RNF31: variants seen among roughly 807,000 people sequenced by gnomAD.
RNF31 encodes ring finger protein 31, also known as E3 ubiquitin-protein ligase RNF31.
Under a neutral mutation model 133.6 loss-of-function variants are expected in RNF31, and 38 were observed. The ratio of observed to expected loss-of-function variants is 0.28; its 90% CI spans 0.22 to 0.37. RNF31 has a LOEUF of 0.37. RNF31 is among the 10% of genes least tolerant of loss of function. The probability of loss-of-function intolerance (pLI) is 1.00; values close to 1 mark genes in which losing one functional copy is unlikely to be tolerated. For synonymous variants in RNF31, 582 were observed against 552.3 expected, an observed-to-expected ratio of 1.05 and a Z score of -0.75; for missense variants, 1,118 against 1,394.1, an observed-to-expected ratio of 0.80 and a Z score of 3.15.
At position 24,151,084 on chromosome 14, in the gene RNF31, AG is replaced by A. The variant is rs751109608; in HGVS notation, c.1489-44del. On this transcript the variant is annotated intron_variant, in intron 8 of 20. Coordinates refer to ENST00000324103, the MANE Select transcript of RNF31 (RefSeq NM_017999.5). This position sits in a 1 kb window ranked among gnomAD's most constrained non-coding sequence, Gnocchi z 5.3. ...ACTGTCACCATCTTAGTTCAGGCTG[AG>A]GGTGGGTGAAGGGTGCCCCTCCTGA... The A allele has an allele frequency of 6.2e-7, 1 of 1,605,990 alleles. No homozygotes were observed. Among genetic ancestry groups the A allele is most frequent in the Non-Finnish European group, 8.5e-7 (1 of 1,174,978 alleles).
At position 24,154,879 on chromosome 14, in the gene RNF31, G is replaced by A. The variant is rs559238661; in HGVS notation, c.2131-278G>A. The stretch of plus-strand genomic sequence containing the variant: ...AGCTGTTCTCCACCTCTATAGTTTT[G>A]TCATTTCAAGCATGTTATTTGTATA... On this transcript the variant is annotated intron_variant, in intron 11 of 20. Coordinates refer to ENST00000324103, the MANE Select transcript of RNF31 (RefSeq NM_017999.5). The A allele has an allele frequency of 6.4e-6, 3 of 465,334 alleles. No homozygotes were observed. In the South Asian group the frequency reaches 8.3e-5, roughly 13 times the overall value. 28.8% of individuals were successfully genotyped at this position (465,334 alleles called of 1,614,324 possible).
rs897003143 is a variant in RNF31 at position 24,158,161 on chromosome 14, A to G, written c.2861A>G (p.Asn954Ser). The G allele has an allele frequency of 1.9e-6, 3 of 1,614,134 alleles. No individual in the cohort carries two copies. The highest frequency in any genetic ancestry group is 2.5e-6 in the Non-Finnish European group (3 of 1,180,054). ...KLLQDNNVMFNTEPPAGARAV... is the reference protein window; with the variant it reads ...KLLQDNNVMFSTEPPAGARAV... ...CCTCAGGACAATAACGTCATGTTTA[A>G]TACAGAGCCTCCAGCTGGGGCCCGG... The change falls in exon 18 of 21, where the codon AAT becomes AGT. Residue 954 changes from asparagine (N) to serine (S), a missense_variant. By Grantham distance (46) the Asn-to-Ser change is conservative (BLOSUM62 1). Transcript: ENST00000324103.
intron 11 of RNF31, 118 bp downstream of exon 11, chr14:24,152,110 G>A (rs1045740228): frequency 7.1e-6 from 7 of 989,424 alleles, no homozygotes; most frequent in Non-Finnish European, 1.0e-5. Flanking sequence ...ATATACCCCT[G>A]AAGGCTCCTG....
Position 24,157,510 on chromosome 14 carries a change from T to C in RNF31, c.2609-10T>C. 1 of 1,613,626 alleles carries C rather than the reference T, an allele frequency of 6.2e-7. No homozygotes were observed. Among genetic ancestry groups the C allele is most frequent in the Non-Finnish European group, 8.5e-7 (1 of 1,179,512 alleles). On this transcript the variant is annotated splice_polypyrimidine_tract_variant and intron_variant, in intron 15 of 20. Transcript: ENST00000324103. ...CGGCAGCTCCAGCCCTGACCTCTTG[T>C]CCTTTGCAGACTGCCCCAAATGCAA...
Position 24,150,429 on chromosome 14 carries a change from T to C in RNF31, c.1178T>C (p.Ile393Thr). 6 of 1,611,118 alleles carry C rather than the reference T, an allele frequency of 3.7e-6. No homozygotes were observed. The highest frequency in any genetic ancestry group is 2.2e-5 in the South Asian group (2 of 90,952). ...SLVVDSRDAG[I>T]CLQPLQQGDA... The stretch of plus-strand genomic sequence containing the variant: ...GTGGTGGATTCCCGAGATGCTGGCA[T>C]TTGCCTGCAACCCCTTCAGGTAACT... Residue 393 changes from isoleucine to threonine, a missense_variant, in exon 7 of 21, where the codon ATT (isoleucine) becomes ACT (threonine). Physicochemically the swap from Ile to Thr is moderately conservative, Grantham distance 89. Transcript: ENST00000324103.
chr14:24,159,584 C>CAAAAAAAAAAAAAAAAAAAAAA (rs59295225), intron 18 of RNF31, among the ~76,000 whole-genome samples: 1 of 82,198 alleles, frequency 1.2e-5, no homozygotes. Context: ...AAATAACAAC[C>CAAAAAAAAAAAAAAAAAAAAAA]AAAAAAAAAA....
In RNF31 at chr14:24,154,930, A is replaced by G. The variant is rs1469021822; in HGVS notation, c.2131-227A>G. The G allele has an allele frequency of 7.1e-6, 4 of 562,590 alleles. No homozygotes were observed. In the East Asian group the frequency reaches 8.6e-5, roughly 12 times the overall value. The allele number at this position is 562,590 out of a possible 1,614,324, so 34.8% of individuals were successfully genotyped here. On this transcript the variant is annotated intron_variant, in intron 11 of 20. Coordinates refer to ENST00000324103, the MANE Select transcript of RNF31 (RefSeq NM_017999.5). ...TTTAATGGAATATGAATGTTTTTAT[A>G]GGCACTTTTGCCTTTACCTTAGGTG...
In RNF31 at chr14:24,148,871, T is replaced by C. The variant is rs757835165; in HGVS notation, c.626T>C (p.Val209Ala). 6.2e-7 allele frequency: 1 copy of C among 1,613,892 alleles called. No individual in the cohort carries two copies. The highest frequency in any genetic ancestry group is 2.2e-5 in the East Asian group (1 of 44,892). Residue 209 changes from valine (V) to alanine (A), a missense_variant, in exon 5 of 21, where the codon GTC (valine) becomes GCC (alanine). Val to Ala is a moderately conservative substitution (Grantham distance 64). Transcript: ENST00000324103. ...IAPGPLTTPS[V>A]PGSTPGPCFL... is the part of the protein sequence containing the mutation. Reference sequence around the variant, plus strand: ...CCTGGCCCCCTCACCACACCCTCTGTCCCAGGTATTATTGGTCCTAAATTG... The same window carrying C: ...CCTGGCCCCCTCACCACACCCTCTGCCCCAGGTATTATTGGTCCTAAATTG...
intron 16 of RNF31, 66 bp from the exon 17 acceptor site, chr14:24,157,832 G>T: frequency 7.3e-7 from 1 of 1,375,994 alleles, no homozygotes; most frequent in Non-Finnish European, 1.0e-6. Flanking sequence ...CCTCACGCAG[G>T]GGTTCCTGAG....
intron 18 of RNF31, 39 bp downstream of exon 18, chr14:24,158,238 G>A (rs749677952): frequency 6.3e-7 from 1 of 1,594,704 alleles, no homozygotes; most frequent in South Asian, 1.1e-5. Flanking sequence ...AGGAGATGGT[G>A]TGCTGGGCTC....
Position 24,148,873 on chromosome 14 carries a change from C to G in RNF31, c.628C>G (p.Pro210Ala). The G allele has an allele frequency of 6.2e-7, 1 of 1,613,714 alleles. No homozygotes were observed. The highest frequency in any genetic ancestry group is 8.5e-7 in the Non-Finnish European group (1 of 1,179,652). Residue 210 changes from proline (P) to alanine (A), a missense_variant, in exon 5 of 21, where the codon CCA becomes GCA. Physicochemically the swap from Pro to Ala is conservative, Grantham distance 27. Around this residue, in one of 3 missense-constraint regions of RNF31, gnomAD observed 747 missense variants for 827.9 expected, o/e 0.90. Coordinates refer to ENST00000324103, the MANE Select transcript of RNF31 (RefSeq NM_017999.5). ...APGPLTTPSV[P>A]GSTPGPCFLC... Reference sequence around the variant, plus strand: ...TGGCCCCCTCACCACACCCTCTGTCCCAGGTATTATTGGTCCTAAATTGGG... The same window carrying G: ...TGGCCCCCTCACCACACCCTCTGTCGCAGGTATTATTGGTCCTAAATTGGG...
At chr14:24,154,417 C>T (rs572610365) in intron 11 of RNF31, among the ~76,000 whole-genome samples, 1 of 152,172 alleles carries the variant, frequency 6.6e-6, no homozygotes, top group Non-Finnish European at 1.5e-5. Context: ...GCTGGGATTA[C>T]AGGCATAAGC....
rs1566612413 is a variant in RNF31, at chr14:24,148,788, C to T, written c.556-13C>T. ...CCTAAACCCTTATTCATTCCCTGCC[C>T]TTTCTTTTTCAGATGCTGCAGCTTT... On this transcript the variant is annotated splice_polypyrimidine_tract_variant and intron_variant, in intron 4 of 20. Transcript: ENST00000324103. The T allele has an allele frequency of 1.9e-6, 3 of 1,614,066 alleles. No individual in the cohort carries two copies. Among genetic ancestry groups the T allele is most frequent in the Non-Finnish European group, 8.5e-7 (1 of 1,180,010 alleles).
Position 24,160,083 on chromosome 14 carries a change from T to A in RNF31, c.2996+123T>A. ...TTGCAGTGGGTGGGAGGGAGGAGGC[T>A]TTCTGGGCAAGGGCATGGGTAGATA... On this transcript the variant is annotated intron_variant, in intron 19 of 20. Coordinates refer to ENST00000324103, the MANE Select transcript of RNF31 (RefSeq NM_017999.5). This position sits in a 1 kb window ranked among gnomAD's most constrained non-coding sequence, Gnocchi z 4.0. 1 of 1,328,530 alleles carries A rather than the reference T, an allele frequency of 7.5e-7. No individual in the cohort carries two copies. Among genetic ancestry groups the A allele is most frequent in the Non-Finnish European group, 1.0e-6 (1 of 955,654 alleles). The allele number at this position is 1,328,530 out of a possible 1,614,324, so 82.3% of individuals were successfully genotyped here. A position where few individuals can be genotyped will look rare whatever the true frequency, so the allele number is the denominator to read the frequency against.
At chr14:24,152,069 T>A in intron 11 of RNF31, 77 bp downstream of exon 11, 2 of 1,405,304 alleles carry the variant, frequency 1.4e-6, no homozygotes, top group Non-Finnish European at 9.7e-7. Flanking sequence ...AGTCTCCATC[T>A]CTGATCCTGT....
chr14:24,152,764 A>G (rs2038284722), intron 11 of RNF31, among the ~76,000 whole-genome samples: 1 of 152,230 alleles, frequency 6.6e-6, no homozygotes, highest in African/African-American at 2.4e-5. Context: ...GCTTATTCCT[A>G]TAAACTGGAT....
In RNF31 at chr14:24,150,461, C is replaced by A; in HGVS notation, c.1197+13C>A. 1 of 1,601,916 alleles carries A rather than the reference C, an allele frequency of 6.2e-7. No individual in the cohort carries two copies. Among genetic ancestry groups the A allele is most frequent in the South Asian group, 1.1e-5 (1 of 89,988 alleles). Reference sequence around the variant, plus strand: ...GCAACCCCTTCAGGTAACTGGCCTTCCCAGCTCTTTATCGTGTGTTACCTC... The same window carrying A: ...GCAACCCCTTCAGGTAACTGGCCTTACCAGCTCTTTATCGTGTGTTACCTC... On this transcript the variant is annotated intron_variant, in intron 7 of 20. Transcript: ENST00000324103.
intron 5 of RNF31, 109 bp downstream of exon 5, chr14:24,148,985 C>T (rs1460862732): frequency 2.5e-5 from 27 of 1,059,370 alleles, no homozygotes; most frequent in Admixed American, 8.7e-5. Flanking sequence ...TGTTTTGAGA[C>T]GGAGTTTTGC....
Position 24,148,316 on chromosome 14 carries a change from G to A in RNF31, c.398G>A (p.Ser133Asn), listed in dbSNP as rs753151781. The change falls in exon 3 of 21, where the codon AGC becomes AAC. Residue 133 changes from serine to asparagine, a missense_variant. This residue lies in a region of RNF31 where 747 missense variants were observed against 827.9 expected (regional missense o/e 0.90). Transcript: ENST00000324103. ...GYTEEQPDGL[S>N]FPEGQEEPDE... is the part of the protein sequence containing the mutation. ...ACAGAGGAGCAACCAGATGGGTTGA[G>A]CTTCCCCGAAGGGCAGGAGGAGCCA... 4 of 1,614,242 alleles carry A rather than the reference G, an allele frequency of 2.5e-6. No homozygotes were observed. Among genetic ancestry groups the A allele is most frequent in the South Asian group, 2.2e-5 (2 of 91,086 alleles).
Sources: gnomAD v4.1 joint callset for allele counts (sites outside exome capture counted in the v4.1 genomes callset) on GRCh38, gnomAD v4.1.1 for gene constraint, gnomAD v4.1.1 regional missense constraint, Gnocchi (gnomAD v3.1) non-coding constraint, MANE v1.5 for transcripts, NCBI Gene and HGNC (gene_info 2026-07-23, HGNC 2026-07-21) for gene names.